Variants in HMCN1 observed in about 807,000 individuals in gnomAD.
The protein encoded by HMCN1 is hemicentin 1.
HMCN1 carries 321 observed loss-of-function variants against 625.9 expected under a neutral mutation model. The observed-to-expected ratio is 0.51, with a 90% CI of 0.47 to 0.56. The LOEUF is 0.56. Ranked by LOEUF, HMCN1 falls within the 20% of genes least tolerant of loss-of-function variation. HMCN1 has a pLI of 0.00. For missense variants in HMCN1, 6,588 were observed against 6,887.3 expected (o/e 0.96, Z 1.54); for synonymous variants, 2,425 against 2,417.6 (o/e 1.00, Z -0.09).
chr1:186,127,982 G>A (rs1437416410), intron 82 of HMCN1, 96 bp from the exon 83 acceptor site: 1 of 1,013,074 alleles, frequency 9.9e-7, no homozygotes, highest in East Asian at 2.6e-5. Flanking sequence ...CTTTGGATAA[G>A]AGAGTTTCTT....
intron 1 of HMCN1, among the ~76,000 whole-genome samples, chr1:185,760,387 G>A (rs1655417599): frequency 6.6e-6 from 1 of 152,174 alleles, no homozygotes; most frequent in African/African-American, 2.4e-5. Flanking sequence ...TAGAGCCCGG[G>A]TAGTTGTGAG....
At chr1:185,842,638 G>A (rs1026652425) in intron 1 of HMCN1, among the ~76,000 whole-genome samples, 5 of 152,094 alleles carry the variant, frequency 3.3e-5, no homozygotes, top group Non-Finnish European at 7.4e-5. Flanking sequence ...GCCGAGGCAG[G>A]AGGATCACTT....
intron 1 of HMCN1, among the ~76,000 whole-genome samples, chr1:185,764,551 C>G (rs1449801028): frequency 6.6e-6 from 1 of 151,988 alleles, no homozygotes. Context: ...ATTAATTATC[C>G]CTTTTATCAT....
chr1:186,008,281 G>A (rs1157520165), intron 30 of HMCN1, among the ~76,000 whole-genome samples: 2 of 152,050 alleles, frequency 1.3e-5, no homozygotes, highest in African/African-American at 2.4e-5. Flanking sequence ...CACTAGCCAC[G>A]TGAGGCTATT....
rs1245830768 is a variant in HMCN1 at position 185,808,932 on chromosome 1, G to A, written c.269-37094G>A. ...ATGTAATGGATTAGCTGTTTGGAAT[G>A]GAGAGCTATTAATTTATACCAGACC... On this transcript the variant is annotated intron_variant, in intron 1 of 106. Transcript: ENST00000271588. 3.9e-5 allele frequency among the ~76,000 whole-genome samples: 6 copies of A among 152,284 alleles called. No homozygotes were observed. The East Asian group carries it at 1.2e-3, about 29-fold the overall frequency.
intron 46 of HMCN1, among the ~76,000 whole-genome samples, chr1:186,058,179 T>C (rs1558183808): frequency 6.6e-6 from 1 of 151,990 alleles, no homozygotes; most frequent in Non-Finnish European, 1.5e-5. Context: ...AATTATCTGA[T>C]TATGCTAATT....
At chr1:185,973,592 C>A (rs181955670) in intron 15 of HMCN1, among the ~76,000 whole-genome samples, 137 of 151,860 alleles carry the variant, frequency 9.0e-4, no homozygotes, top group African/African-American at 3.0e-3. Flanking sequence ...AATACTAGAT[C>A]AAAAAATTAT....
At chr1:186,027,986 A>T (rs905480386) in intron 36 of HMCN1, among the ~76,000 whole-genome samples, 1 of 152,004 alleles carries the variant, frequency 6.6e-6, no homozygotes, top group Non-Finnish European at 1.5e-5. Flanking sequence ...TTCTTTTTTC[A>T]TGGGTAACTT....
intron 1 of HMCN1, among the ~76,000 whole-genome samples, chr1:185,785,859 C>T (rs1308782353): frequency 6.6e-6 from 1 of 152,094 alleles, no homozygotes; most frequent in African/African-American, 2.4e-5. Context: ...ATTTTAAAAA[C>T]ACATATATCA....
chr1:186,090,707 G>C, intron 63 of HMCN1, 51 bp from the exon 64 acceptor site: 1 of 1,595,742 alleles, frequency 6.3e-7, no homozygotes, highest in Non-Finnish European at 8.6e-7. Flanking sequence ...TGTTACATTA[G>C]AATTTATATC....
chr1:185,969,017 A>G (rs1456020893), intron 14 of HMCN1, among the ~76,000 whole-genome samples: 2 of 152,216 alleles, frequency 1.3e-5, no homozygotes, highest in African/African-American at 4.8e-5. Flanking sequence ...GCTACTAGCA[A>G]AAAAGTCTTT....
intron 4 of HMCN1, among the ~76,000 whole-genome samples, chr1:185,891,668 G>A (rs1418416701): frequency 6.8e-6 from 1 of 148,066 alleles, no homozygotes; most frequent in Non-Finnish European, 1.5e-5. Context: ...TAGAGTTTCT[G>A]CCGAGAGATC....
intron 1 of HMCN1, among the ~76,000 whole-genome samples, chr1:185,768,085 G>A (rs563430297): frequency 6.6e-6 from 1 of 152,240 alleles, no homozygotes; most frequent in South Asian, 2.1e-4. Context: ...AAGCCAGAGA[G>A]GGAAATATAG....
chr1:186,055,797 T>G, intron 45 of HMCN1, 123 bp downstream of exon 45: 1 of 952,518 alleles, frequency 1.0e-6, no homozygotes, highest in Non-Finnish European at 1.7e-6. Context: ...TAAACATATA[T>G]ACCTTTTCCC....
intron 1 of HMCN1, among the ~76,000 whole-genome samples, chr1:185,778,590 G>T (rs1262863798): frequency 6.8e-6 from 1 of 147,758 alleles, no homozygotes; most frequent in Non-Finnish European, 1.5e-5. Flanking sequence ...GTGAGAATAT[G>T]CGGTGTTTGG....
At chr1:185,920,920 G>A (rs1666974611) in intron 6 of HMCN1, among the ~76,000 whole-genome samples, 1 of 152,134 alleles carries the variant, frequency 6.6e-6, no homozygotes, top group African/African-American at 2.4e-5. Context: ...GTAAGATCAA[G>A]CATTCTGACT....
chr1:186,067,637 T>G (rs1439168181), intron 49 of HMCN1, among the ~76,000 whole-genome samples, 197 bp from the exon 50 acceptor site: 1 of 152,152 alleles, frequency 6.6e-6, no homozygotes, highest in Non-Finnish European at 1.5e-5. Flanking sequence ...GGTTCCTTTT[T>G]ATGTGTCATC....
chr1:185,771,654 A>T (rs1182289618), intron 1 of HMCN1, among the ~76,000 whole-genome samples: 42 of 152,196 alleles, frequency 2.8e-4, no homozygotes. Context: ...GACTGGATTT[A>T]GTCACTGATT....
In HMCN1 at chr1:185,745,045, C is replaced by G. The variant is rs185105358; in HGVS notation, c.268+9998C>G. ...ATGGACTGGACATGGTCCTAAGAAT[C>G]TAAAAAAAAAGAAATATAATTGCCT... On this transcript the variant is annotated intron_variant, in intron 1 of 106. Transcript: ENST00000271588. Among the ~76,000 whole-genome samples, 115 of 150,846 alleles carry G rather than the reference C, an allele frequency of 7.6e-4. 1 individual carries two copies. The highest frequency in any genetic ancestry group is 4.2e-4 in the South Asian group (2 of 4,780).
Sources: allele counts gnomAD v4.1 joint callset (sites outside exome capture counted in the v4.1 genomes callset), GRCh38; gene constraint gnomAD v4.1.1; transcripts MANE v1.5; gene names NCBI Gene and HGNC (gene_info 2026-07-23, HGNC 2026-07-21).